Variants in FAR2 observed in about 807,000 individuals in gnomAD.
FAR2 encodes epididymis secretory protein Li 81.
In FAR2, 19 loss-of-function variants were observed where a neutral mutation model predicts 56.0. The ratio of observed to expected loss-of-function variants is 0.34; its 90% CI spans 0.24 to 0.50. The LOEUF (loss-of-function observed/expected upper bound fraction) is 0.50. FAR2 is among the 20% of genes least tolerant of loss of function. The probability of loss-of-function intolerance (pLI) is 0.98; values close to 1 mark genes in which losing one functional copy is unlikely to be tolerated. For synonymous variants in FAR2, 219 were observed against 218.8 expected (o/e 1.00, Z -0.01); for missense variants, 508 against 642.2 (o/e 0.79, Z 2.26).
At chr12:29,323,688 T>G (rs1443815504) in intron 10 of FAR2, among the ~76,000 whole-genome samples, 1 of 152,240 alleles carries the variant, frequency 6.6e-6, no homozygotes, top group African/African-American at 2.4e-5. Context: ...CTGAGGGTCC[T>G]GACTGTTAGA....
At chr12:29,277,714 T>C (rs1296185865) in intron 2 of FAR2, 1 of 152,166 alleles carries the variant, frequency 6.6e-6, no homozygotes, top group African/African-American at 2.4e-5. Flanking sequence ...TTCAAGAAAA[T>C]GCAGGAGGGC....
At chr12:29,329,702 G>A (rs1267059407) in intron 10 of FAR2, among the ~76,000 whole-genome samples, 3 of 152,178 alleles carry the variant, frequency 2.0e-5, no homozygotes. Flanking sequence ...ACAAGTCTTT[G>A]AAGCTCTCTG....
At chr12:29,162,238 C>G (rs889539245) in intron 1 of FAR2, among the ~76,000 whole-genome samples, 1 of 152,150 alleles carries the variant, frequency 6.6e-6, no homozygotes, top group African/African-American at 2.4e-5. Context: ...GTTATACTAT[C>G]CATCTGAAAT....
chr12:29,163,967 T>C lies in FAR2; in HGVS notation c.-39+14560T>C, dbSNP rs529946953. On this transcript the variant is annotated intron_variant, in intron 1 of 11. Coordinates refer to ENST00000536681, the MANE Select transcript of FAR2 (RefSeq NM_001271783.2). ...TGCAGGTGAAATGCAGATTGAACCA[T>C]GCACAATTGCCCTTTGTAGGTCAAA... Among the ~76,000 whole-genome samples the C allele has an allele frequency of 3.3e-5, 5 of 152,356 alleles. 1 individual carries two copies. The highest frequency in any genetic ancestry group is 1.2e-4 in the African/African-American group (5 of 41,578).
At chr12:29,308,696 ACAC>A (rs1949294713) in intron 5 of FAR2, among the ~76,000 whole-genome samples, 1 of 51,212 alleles carries the variant, frequency 2.0e-5, no homozygotes, top group Non-Finnish European at 4.0e-5. Context: ...ACAGACACAC[ACAC>A]ACACACACAC....
In FAR2 at chr12:29,254,501, G is replaced by A. The variant is rs542323017; in HGVS notation, c.-38-15911G>A. Among the ~76,000 whole-genome samples the A allele has an allele frequency of 1.2e-4, 18 of 152,202 alleles. No individual in the cohort carries two copies. The East Asian group carries it at 2.1e-3, about 18-fold the overall frequency. ...AGGAGTGTGCCATTGTGCCCAGCCT[G>A]ATATATACATTTTCAAGGCTTGGAT... On this transcript the variant is annotated intron_variant, in intron 1 of 11. Transcript: ENST00000536681.
At chr12:29,281,811 G>A (rs922244133) in intron 2 of FAR2, among the ~76,000 whole-genome samples, 1 of 151,336 alleles carries the variant, frequency 6.6e-6, no homozygotes, top group Non-Finnish European at 1.5e-5. Flanking sequence ...TGCCTACTAA[G>A]TGTCAAGCAC....
chr12:29,196,183 A>G (rs535676429), intron 1 of FAR2, among the ~76,000 whole-genome samples: 20 of 152,260 alleles, frequency 1.3e-4, no homozygotes, highest in African/African-American at 4.8e-4. Flanking sequence ...CTTTTTTTAT[A>G]GAATGACTTC....
chr12:29,204,068 A>C (rs1401768079), intron 1 of FAR2, among the ~76,000 whole-genome samples: 4 of 151,636 alleles, frequency 2.6e-5, no homozygotes, highest in South Asian at 4.2e-4. Flanking sequence ...GTAGAATCCA[A>C]AGTGGTAAAA....
intron 1 of FAR2, among the ~76,000 whole-genome samples, chr12:29,220,181 A>G (rs1297080232): frequency 1.3e-5 from 2 of 152,026 alleles, no homozygotes; most frequent in Non-Finnish European, 2.9e-5. Context: ...GGCTGTGTCA[A>G]TTTTTCGTTA....
At position 29,316,915 on chromosome 12, in the gene FAR2, A is replaced by G; in HGVS notation, c.1030A>G (p.Ser344Gly). The G allele has an allele frequency of 6.2e-7, 1 of 1,614,146 alleles. No individual in the cohort carries two copies. The highest frequency in any genetic ancestry group is 8.5e-7 in the Non-Finnish European group (1 of 1,180,012). The change falls in exon 9 of 12, where the codon AGC becomes GGC. Residue 344 changes from serine (S) to glycine (G), a missense_variant. Ser to Gly is a moderately conservative substitution (Grantham distance 56). Transcript: ENST00000536681. ...PFRRPNANFTSNSFTSQYWNA... is the reference protein window; with the variant it reads ...PFRRPNANFTGNSFTSQYWNA... The stretch of plus-strand genomic sequence containing the variant: ...CAGGAGGCCAAATGCTAATTTTACC[A>G]GCAACAGCTTCACATCACAGTACTG...
Position 29,276,676 on chromosome 12 carries a change from A to G in FAR2, c.189+6038A>G, listed in dbSNP as rs1948707688. On this transcript the variant is annotated intron_variant, in intron 2 of 11. Coordinates refer to ENST00000536681, the MANE Select transcript of FAR2 (RefSeq NM_001271783.2). ...TAAAGCTCTGTGCAAATAAGGAATT[A>G]TGCAAGAAGTAGTTACTGGCCATCT... 5.9e-5 allele frequency among the ~76,000 whole-genome samples: 9 copies of G among 152,346 alleles called. No homozygotes were observed. The South Asian group carries it at 1.9e-3, about 32-fold the overall frequency.
At chr12:29,281,196 C>G (rs1184621580) in intron 2 of FAR2, 2 of 152,136 alleles carry the variant, frequency 1.3e-5, no homozygotes, top group African/African-American at 4.8e-5. Flanking sequence ...TCTGTTCTAT[C>G]TCTTGTCATT....
chr12:29,285,442 A>G (rs1467346325), intron 2 of FAR2, among the ~76,000 whole-genome samples: 1 of 151,830 alleles, frequency 6.6e-6, no homozygotes, highest in Non-Finnish European at 1.5e-5. Context: ...AGAGGCCTCT[A>G]GTGTAAGCAG....
intron 1 of FAR2, among the ~76,000 whole-genome samples, chr12:29,248,862 C>A (rs1456774955): frequency 2.0e-5 from 3 of 152,204 alleles, no homozygotes; most frequent in Non-Finnish European, 2.9e-5. Context: ...ATATTTCTCC[C>A]ATTTGCTTTT....
At chr12:29,252,783 G>A (rs944364063) in intron 1 of FAR2, among the ~76,000 whole-genome samples, 1 of 152,154 alleles carries the variant, frequency 6.6e-6, no homozygotes, top group African/African-American at 2.4e-5. Context: ...AGAGGCAAAT[G>A]GTTGCCAAGT....
intron 4 of FAR2, among the ~76,000 whole-genome samples, chr12:29,299,656 ATT>A (rs1299529089): frequency 6.6e-6 from 1 of 152,228 alleles, no homozygotes; most frequent in African/African-American, 2.4e-5. Flanking sequence ...AGTCATACTT[ATT>A]ATTTGCTAAT....
intron 1 of FAR2, among the ~76,000 whole-genome samples, chr12:29,192,439 G>T (rs1950110553): frequency 6.6e-6 from 1 of 152,100 alleles, no homozygotes; most frequent in African/African-American, 2.4e-5. Context: ...CCTGTGTCCT[G>T]GGCACTATGA....
At chr12:29,247,013 ATAAC>A (rs1948139196) in intron 1 of FAR2, among the ~76,000 whole-genome samples, 1 of 152,146 alleles carries the variant, frequency 6.6e-6, no homozygotes, top group South Asian at 2.1e-4. Context: ...ATAATAACTA[ATAAC>A]TAACATACAG....
Sources: gnomAD v4.1 joint callset for allele counts (sites outside exome capture counted in the v4.1 genomes callset) on GRCh38, gnomAD v4.1.1 for gene constraint, MANE v1.5 for transcripts, NCBI Gene and HGNC (gene_info 2026-07-23, HGNC 2026-07-21) for gene names.